ATF7: variants seen among roughly 807,000 people sequenced by gnomAD.
ATF7 encodes the protein activating transcription factor 7.
Under a neutral mutation model 50.4 loss-of-function variants are expected in ATF7, and 10 were observed. The observed-to-expected ratio is 0.20, with a 90% CI of 0.12 to 0.34. The LOEUF (loss-of-function observed/expected upper bound fraction) is 0.34. ATF7 is among the 10% of genes least tolerant of loss of function. ATF7 has a pLI of 1.00. For missense variants in ATF7, 465 were observed against 613.9 expected, an observed-to-expected ratio of 0.76 and a Z score of 2.56; for synonymous variants, 201 against 226.4, an observed-to-expected ratio of 0.89 and a Z score of 1.01.
chr12:53,514,797 TTCTTAACTGTAAAAAC>T lies in ATF7; in HGVS notation c.*2324_*2339del, dbSNP rs1937622650. On this transcript the variant is annotated 3_prime_UTR_variant, in exon 12 of 12. Coordinates refer to ENST00000420353, the MANE Select transcript of ATF7 (RefSeq NM_006856.3). ...GGGCATGTATGCAGTTACAAATTAATTCTTAACTGTAAAAACACTTGACTGAAGGGGGAAGAAAAAT... is the reference window on the plus strand; with the variant it reads ...GGGCATGTATGCAGTTACAAATTAATACTTGACTGAAGGGGGAAGAAAAAT... 1 of 152,178 alleles carries T rather than the reference TTCTTAACTGTAAAAAC, an allele frequency of 6.6e-6. No homozygotes were observed. Among genetic ancestry groups the T allele is most frequent in the South Asian group, 2.1e-4 (1 of 4,828 alleles). The allele number at this position is 152,178 out of a possible 1,614,324, so 9.4% of individuals were successfully genotyped here.
intron 3 of ATF7, among the ~76,000 whole-genome samples, chr12:53,544,200 C>T (rs372971699): frequency 3.9e-5 from 6 of 152,200 alleles, no homozygotes; most frequent in African/African-American, 1.4e-4. Context: ...CAACACAGTG[C>T]CTCTGCCCTT....
At chr12:53,599,025 G>C (rs1943276499) in intron 2 of ATF7, among the ~76,000 whole-genome samples, 1 of 152,032 alleles carries the variant, frequency 6.6e-6, no homozygotes, top group Non-Finnish European at 1.5e-5. Context: ...AATTTGGAGA[G>C]ATCATTTTTA....
intron 2 of ATF7, among the ~76,000 whole-genome samples, chr12:53,579,869 C>G (rs1241741867): frequency 6.6e-6 from 1 of 152,178 alleles, no homozygotes; most frequent in Non-Finnish European, 1.5e-5. Flanking sequence ...GGGGTTTTTT[C>G]TGTTTACACT....
rs560231863 is a variant in ATF7 at position 53,518,028 on chromosome 12, C to A, written c.1235-674G>T. Among the ~76,000 whole-genome samples, 11 of 152,218 alleles carry A rather than the reference C, an allele frequency of 7.2e-5. No homozygotes were observed. The East Asian group carries it at 1.9e-3, about 27-fold the overall frequency. ...TACAGGTGCACACTGCCACACCTGGCTAATTTTTGAATTTTTAGTAGAGAT... is the reference window on the plus strand; with the variant it reads ...TACAGGTGCACACTGCCACACCTGGATAATTTTTGAATTTTTAGTAGAGAT... On this transcript the variant is annotated intron_variant, in intron 11 of 11. Transcript: ENST00000420353.
At chr12:53,611,989 T>C (rs1240917860) in intron 1 of ATF7, among the ~76,000 whole-genome samples, 2 of 152,152 alleles carry the variant, frequency 1.3e-5, no homozygotes, top group Non-Finnish European at 2.9e-5. Context: ...TTGTTCTTAT[T>C]TTTTGAGAAG....
At chr12:53,608,666 A>T (rs1943716427) in intron 1 of ATF7, among the ~76,000 whole-genome samples, 1 of 152,236 alleles carries the variant, frequency 6.6e-6, no homozygotes, top group Non-Finnish European at 1.5e-5. Flanking sequence ...AAAGGTACCC[A>T]AACAGAGCTC....
intron 2 of ATF7, among the ~76,000 whole-genome samples, chr12:53,563,971 T>G (rs1307509016): frequency 1.3e-5 from 2 of 152,236 alleles, no homozygotes; most frequent in Non-Finnish European, 2.9e-5. Flanking sequence ...AATTACAGTA[T>G]GCTAGAGTTA....
At chr12:53,555,665 C>T (rs1455562838) in intron 2 of ATF7, among the ~76,000 whole-genome samples, 1 of 151,562 alleles carries the variant, frequency 6.6e-6, no homozygotes, top group South Asian at 2.1e-4. Context: ...CATGCGTCAC[C>T]ACGCCCGGCT....
At chr12:53,596,522 A>G (rs943511102) in intron 2 of ATF7, among the ~76,000 whole-genome samples, 2 of 152,350 alleles carry the variant, frequency 1.3e-5, no homozygotes, top group South Asian at 2.1e-4. Context: ...TTAAATCTGC[A>G]TAATTTATAC....
At chr12:53,537,327 C>T in intron 5 of ATF7, 88 bp downstream of exon 5, 1 of 1,488,188 alleles carries the variant, frequency 6.7e-7, no homozygotes, top group Middle Eastern at 2.5e-4. Context: ...TCTTGGCCTC[C>T]TGAGTAGTTA....
chr12:53,597,902 T>C (rs561353690), intron 2 of ATF7, among the ~76,000 whole-genome samples: 1 of 152,146 alleles, frequency 6.6e-6, no homozygotes, highest in Non-Finnish European at 1.5e-5. Context: ...GAGACTTCTA[T>C]GGTAGCAGGT....
At chr12:53,621,348 C>T (rs1177142763) in intron 1 of ATF7, among the ~76,000 whole-genome samples, 1 of 152,088 alleles carries the variant, frequency 6.6e-6, no homozygotes, top group African/African-American at 2.4e-5. Context: ...AAAACAAAAA[C>T]ACAGGTATCA....
chr12:53,603,982 A>AG (rs917303905), intron 1 of ATF7, among the ~76,000 whole-genome samples: 1 of 152,190 alleles, frequency 6.6e-6, no homozygotes, highest in Non-Finnish European at 1.5e-5. Context: ...TTTAACTCAC[A>AG]GCTCATTTAT....
intron 3 of ATF7, among the ~76,000 whole-genome samples, chr12:53,549,082 C>T (rs1310687119): frequency 1.3e-5 from 2 of 151,962 alleles, no homozygotes; most frequent in African/African-American, 4.8e-5. Context: ...GTCAGGAGAT[C>T]GAGACCATCC....
At chr12:53,587,839 A>ATTTTTT (rs1487043109) in intron 2 of ATF7, among the ~76,000 whole-genome samples, 1 of 62,992 alleles carries the variant, frequency 1.6e-5, no homozygotes, top group African/African-American at 5.0e-5. Context: ...ATATATATAT[A>ATTTTTT]TATATTTTTT....
chr12:53,576,782 C>T (rs140446499), intron 2 of ATF7, among the ~76,000 whole-genome samples: 7 of 152,302 alleles, frequency 4.6e-5, no homozygotes, highest in African/African-American at 1.2e-4. Flanking sequence ...CGACCAGGCA[C>T]GGTGGCTCAT....
intron 9 of ATF7, among the ~76,000 whole-genome samples, chr12:53,531,378 C>T (rs1371297154): frequency 6.7e-6 from 1 of 149,030 alleles, no homozygotes; most frequent in Non-Finnish European, 1.5e-5. Flanking sequence ...GCTGAGACTG[C>T]ACCACTGCAC....
At chr12:53,589,215 C>T (rs1942847138) in intron 2 of ATF7, among the ~76,000 whole-genome samples, 1 of 152,158 alleles carries the variant, frequency 6.6e-6, no homozygotes, top group Non-Finnish European at 1.5e-5. Context: ...AACTCCATCA[C>T]AAAATACTGA....
chr12:53,557,549 T>C lies in ATF7; in HGVS notation c.49-4912A>G, dbSNP rs916165309. Among the ~76,000 whole-genome samples, 12 of 152,192 alleles carry C rather than the reference T, an allele frequency of 7.9e-5. No homozygotes were observed. The East Asian group carries it at 1.3e-3, about 17-fold the overall frequency. The stretch of plus-strand genomic sequence containing the variant: ...AAGGATCTTCCTTTGTTCTTTGGCA[T>C]TACCTATGTCTAAGGTTTTGGCAAA... On this transcript the variant is annotated intron_variant, in intron 2 of 11. Transcript: ENST00000420353.
Sources: allele counts gnomAD v4.1 joint callset (sites outside exome capture counted in the v4.1 genomes callset), GRCh38; gene constraint gnomAD v4.1.1; transcripts MANE v1.5; gene names NCBI Gene and HGNC (gene_info 2026-07-23, HGNC 2026-07-21).